The following TAF8 variants were observed in gnomAD, a reference collection of about 807,000 sequenced individuals.
The protein encoded by TAF8 is transcription initiation factor TFIID subunit 8.
Under a neutral mutation model 36.5 loss-of-function variants are expected in TAF8, and 47 were observed. The observed-to-expected ratio is 1.29, with a 90% CI of 1.02 to 1.64. The LOEUF is 1.64. Among genes scored for constraint, TAF8 ranks in the 40% most tolerant of loss-of-function variants. The probability of loss-of-function intolerance (pLI) is 0.00; values close to 1 mark genes in which losing one functional copy is unlikely to be tolerated. For synonymous variants in TAF8, 175 were observed against 159.5 expected, an observed-to-expected ratio of 1.10 and a Z score of -0.73; for missense variants, 420 against 407.6, an observed-to-expected ratio of 1.03 and a Z score of -0.26.
Position 42,077,199 on chromosome 6 carries a change from T to G in TAF8, c.880T>G (p.Tyr294Asp). ...NGEENIIDNPYLRPVKKPKIR... is the reference protein window; with the variant it reads ...NGEENIIDNPDLRPVKKPKIR... ...GGAGGAGAACATCATCGATAACCCT[T>G]ATCTGCGGCCGGTGAAGAAGCCCAA... The change falls in exon 8 of 9, where the codon TAT becomes GAT. Residue 294 changes from tyrosine (Y) to aspartate (D), a missense_variant. Coordinates refer to ENST00000372977, the MANE Select transcript of TAF8 (RefSeq NM_138572.3). 1 of 1,614,048 alleles carries G rather than the reference T, an allele frequency of 6.2e-7. No individual in the cohort carries two copies. The highest frequency in any genetic ancestry group is 8.5e-7 in the Non-Finnish European group (1 of 1,179,954).
intron 6 of TAF8, 92 bp from the exon 7 acceptor site, chr6:42,068,373 C>A: frequency 7.1e-7 from 1 of 1,405,702 alleles, no homozygotes; most frequent in Non-Finnish European, 9.9e-7. Flanking sequence ...TCTTCTGGTG[C>A]TGCTCACTGA....
At chr6:42,075,591 A>C (rs1180102389) in intron 7 of TAF8, among the ~76,000 whole-genome samples, 2 of 152,154 alleles carry the variant, frequency 1.3e-5, no homozygotes, top group Non-Finnish European at 2.9e-5. Flanking sequence ...TTTTGACAGC[A>C]GCCTCTCCTG....
intron 6 of TAF8, 122 bp from the exon 7 acceptor site, chr6:42,068,343 G>C: frequency 3.8e-6 from 4 of 1,051,794 alleles, no homozygotes; most frequent in Non-Finnish European, 5.7e-6. Context: ...TAAGTACTTG[G>C]AGCGAGTTAG....
At position 42,066,434 on chromosome 6, in the gene TAF8, CAA is replaced by C; in HGVS notation, c.614_615del (p.Lys205ArgfsTer2). On this transcript the variant is annotated frameshift_variant, in exon 6 of 9. Coordinates refer to ENST00000372977, the MANE Select transcript of TAF8 (RefSeq NM_138572.3). LOFTEE classifies it high-confidence loss of function. ...AKTGETQSLF[K>X]DDVSTFPLIA... is the part of the protein sequence containing the mutation. ...AGACAGGCGAGACTCAGAGTCTTTT[CAA>C]AGATGACGTCAGCACATTTCCATGT... 1.9e-6 allele frequency: 3 copies of C among 1,614,192 alleles called. No individual in the cohort carries two copies. The highest frequency in any genetic ancestry group is 2.5e-6 in the Non-Finnish European group (3 of 1,180,032).
chr6:42,065,233 C>A (rs1002403650), intron 5 of TAF8, among the ~76,000 whole-genome samples: 1 of 151,842 alleles, frequency 6.6e-6, no homozygotes, highest in Non-Finnish European at 1.5e-5. Flanking sequence ...GTAGTCCCAG[C>A]TACTCAGGAG....
intron 5 of TAF8, among the ~76,000 whole-genome samples, chr6:42,065,411 A>T (rs765585021): frequency 2.6e-5 from 4 of 152,122 alleles, no homozygotes; most frequent in Non-Finnish European, 4.4e-5. Context: ...AATCATTTTC[A>T]CTCCATAACT....
intron 7 of TAF8, among the ~76,000 whole-genome samples, chr6:42,069,255 T>G (rs1459675496): frequency 6.6e-6 from 1 of 152,128 alleles, no homozygotes; most frequent in Non-Finnish European, 1.5e-5. Flanking sequence ...CTGGAGATGT[T>G]GAGCAGAGGA....
At chr6:42,069,502 G>C (rs1765485324) in intron 7 of TAF8, among the ~76,000 whole-genome samples, 1 of 152,192 alleles carries the variant, frequency 6.6e-6, no homozygotes, top group African/African-American at 2.4e-5. Flanking sequence ...AAAGAAAACG[G>C]TAAGGTTTTT....
chr6:42,063,946 G>A (rs1459135493), intron 5 of TAF8, among the ~76,000 whole-genome samples: 2 of 152,162 alleles, frequency 1.3e-5, no homozygotes, highest in Non-Finnish European at 2.9e-5. Flanking sequence ...ATACTTGATG[G>A]AATAGTAAGT....
intron 6 of TAF8, among the ~76,000 whole-genome samples, chr6:42,066,796 G>A (rs941738331): frequency 3.9e-5 from 6 of 152,122 alleles, no homozygotes; most frequent in African/African-American, 7.2e-5. Context: ...ATGTTCCCTC[G>A]TAGGTCCCAC....
intron 7 of TAF8, among the ~76,000 whole-genome samples, chr6:42,075,943 C>G (rs1765731073): frequency 6.6e-6 from 1 of 152,212 alleles, no homozygotes; most frequent in South Asian, 2.1e-4. Context: ...GGCGCGGTGG[C>G]TCACGCCTGT....
chr6:42,068,442 A>G (rs756211209), intron 6 of TAF8, 23 bp from the exon 7 acceptor site: 2 of 1,613,424 alleles, frequency 1.2e-6, no homozygotes, highest in Non-Finnish European at 8.5e-7. Context: ...CAGTGGACTC[A>G]TGCCTCTCTT....
chr6:42,057,600 A>C, intron 5 of TAF8, 87 bp downstream of exon 5: 3 of 1,546,416 alleles, frequency 1.9e-6, no homozygotes, highest in Non-Finnish European at 2.6e-6. Flanking sequence ...CCAGTCCAAA[A>C]GCTTGTTGAT....
In TAF8 at chr6:42,054,527, C is replaced by T. The variant is rs1472724230; in HGVS notation, c.203-1004C>T. Among the ~76,000 whole-genome samples the T allele has an allele frequency of 2.6e-5, 4 of 152,182 alleles. 1 individual carries two copies. The highest frequency in any genetic ancestry group is 7.2e-5 in the African/African-American group (3 of 41,442). ...CCCTGGTAACTTCTAATCTACTTTC[C>T]ATCTCTAGATACCTCATATAAGTAG... On this transcript the variant is annotated intron_variant, in intron 2 of 8. Transcript: ENST00000372977.
At position 42,079,902 on chromosome 6, in the gene TAF8, T is replaced by C. The variant is rs1031710986; in HGVS notation, c.*2357T>C. 9.1e-6 allele frequency: 9 copies of C among 985,082 alleles called. No homozygotes were observed. The highest frequency in any genetic ancestry group is 7.0e-5 in the African/African-American group (4 of 57,142). The allele number at this position is 985,082 out of a possible 1,614,324, so 61.0% of individuals were successfully genotyped here. A position where few individuals can be genotyped will look rare whatever the true frequency, so the allele number is the denominator to read the frequency against. ...TGGTGAATTTGGAAACTTGAAAAAC[T>C]TGGGGACTTGACAGCAGGCTCCATG... On this transcript the variant is annotated 3_prime_UTR_variant, in exon 9 of 9. Coordinates refer to ENST00000372977, the MANE Select transcript of TAF8 (RefSeq NM_138572.3).
rs1330870258 is a variant in TAF8, at chr6:42,051,514, G to A, written c.202+1G>A. 3.7e-6 allele frequency: 6 copies of A among 1,613,692 alleles called. No homozygotes were observed. Among genetic ancestry groups the A allele is most frequent in the African/African-American group, 1.3e-5 (1 of 75,062 alleles). On this transcript the variant is annotated splice_donor_variant, in intron 2 of 8. Transcript: ENST00000372977. LOFTEE classifies it high-confidence loss of function. ...ACGCTGACAGAGATGCTGCAGAGCT[G>A]TGAGTACATGGAAACACTTGGCCTT...
Position 42,080,839 on chromosome 6 carries a change from A to G in TAF8, c.*3294A>G. 4.1e-6 allele frequency: 4 copies of G among 979,320 alleles called. No homozygotes were observed. The highest frequency in any genetic ancestry group is 1.7e-5 in the African/African-American group (1 of 57,222). The allele number at this position is 979,320 out of a possible 1,614,324, so 60.7% of individuals were successfully genotyped here. ...ACTTCTTAGAGGCCAAAAGTAGTAA[A>G]CATGCAGATTAAAAATGTTTATGAA... On this transcript the variant is annotated 3_prime_UTR_variant, in exon 9 of 9. Coordinates refer to ENST00000372977, the MANE Select transcript of TAF8 (RefSeq NM_138572.3).
At chr6:42,074,389 T>G (rs989971977) in intron 7 of TAF8, among the ~76,000 whole-genome samples, 1 of 152,124 alleles carries the variant, frequency 6.6e-6, no homozygotes, top group Non-Finnish European at 1.5e-5. Context: ...GCTGTTGGCG[T>G]AGAGATGGCA....
rs1006381162 is a variant in TAF8, at chr6:42,079,245, C to T, written c.*1700C>T. The T allele has an allele frequency of 5.1e-6, 5 of 985,476 alleles. No individual in the cohort carries two copies. The highest frequency in any genetic ancestry group is 6.0e-6 in the Non-Finnish European group (5 of 830,014). The allele number at this position is 985,476 out of a possible 1,614,324, so 61.0% of individuals were successfully genotyped here. A position where few individuals can be genotyped will look rare whatever the true frequency, so the allele number is the denominator to read the frequency against. ...GAGAAACGGCTGGTCAGCTGGAAGGCTGGTGGATGGGCAGGAGTGAGCCAA... is the reference window on the plus strand; with the variant it reads ...GAGAAACGGCTGGTCAGCTGGAAGGTTGGTGGATGGGCAGGAGTGAGCCAA... On this transcript the variant is annotated 3_prime_UTR_variant, in exon 9 of 9. Transcript: ENST00000372977.
Sources: gnomAD v4.1 joint callset for allele counts (sites outside exome capture counted in the v4.1 genomes callset) on GRCh38, gnomAD v4.1.1 for gene constraint, MANE v1.5 for transcripts, NCBI Gene and HGNC (gene_info 2026-07-23, HGNC 2026-07-21) for gene names.